ST8SIA1: variants seen among roughly 807,000 people sequenced by gnomAD.
ST8SIA1 encodes alpha-N-acetylneuraminide alpha-2,8-sialyltransferase.
A neutral mutation model predicts 35.9 loss-of-function variants in ST8SIA1; 16 were observed. The ratio of observed to expected loss-of-function variants is 0.45; its 90% CI spans 0.30 to 0.68. ST8SIA1 has a LOEUF of 0.68. Ranked by LOEUF, ST8SIA1 falls within the 30% of genes least tolerant of loss-of-function variation. The probability of loss-of-function intolerance (pLI) is 0.09; values close to 1 mark genes in which losing one functional copy is unlikely to be tolerated. For synonymous variants in ST8SIA1, 170 were observed against 169.6 expected, an observed-to-expected ratio of 1.00 and a Z score of -0.02; for missense variants, 383 against 453.6, an observed-to-expected ratio of 0.84 and a Z score of 1.41.
intron 2 of ST8SIA1, among the ~76,000 whole-genome samples, chr12:22,262,363 C>A (rs1031496692): frequency 5.9e-5 from 9 of 152,098 alleles, no homozygotes; most frequent in Non-Finnish European, 1.0e-4. Context: ...TTTCAAAGCC[C>A]GAAGCCCACC....
intron 1 of ST8SIA1, chr12:22,326,202 T>C (rs1262191502): frequency 3.5e-6 from 1 of 285,784 alleles, no homozygotes. Flanking sequence ...CATCACTGTA[T>C]TGCCAGCACC....
chr12:22,197,936 G>A lies in ST8SIA1; in HGVS notation c.*3616C>T, dbSNP rs1301362264. The A allele has an allele frequency of 6.6e-6, 1 of 152,098 alleles. No homozygotes were observed. Among genetic ancestry groups the A allele is most frequent in the South Asian group, 2.1e-4 (1 of 4,826 alleles). The allele number at this position is 152,098 out of a possible 1,614,324, so 9.4% of individuals were successfully genotyped here. ...TTATGCAGTTTAGATGTGCAATTTT[G>A]TATAAACTTTTGGCAAAATCCTCTA... On this transcript the variant is annotated 3_prime_UTR_variant, in exon 5 of 5. Transcript: ENST00000396037.
intron 2 of ST8SIA1, among the ~76,000 whole-genome samples, chr12:22,257,584 G>C (rs1330103820): frequency 6.6e-6 from 1 of 151,716 alleles, no homozygotes; most frequent in African/African-American, 2.4e-5. Flanking sequence ...GCAAATTCCT[G>C]CAGGAGATGA....
intron 1 of ST8SIA1, among the ~76,000 whole-genome samples, chr12:22,293,160 G>A (rs956611576): frequency 2.0e-5 from 3 of 152,176 alleles, no homozygotes; most frequent in Non-Finnish European, 2.9e-5. Context: ...GCTGAGCAGC[G>A]AATCCCATTT....
rs373747527 is a variant in ST8SIA1 at position 22,249,024 on chromosome 12, G to T, written c.566C>A (p.Pro189His). Residue 189 changes from proline to histidine, a missense_variant, in exon 4 of 5, where the codon CCC (proline) becomes CAC (histidine). Transcript: ENST00000396037. ...CTCTTACCTTTGCCGAATTATGCTGGGATTAGCTGTCACTAACTGACTTTT... is the reference window on the plus strand; with the variant it reads ...CTCTTACCTTTGCCGAATTATGCTGTGATTAGCTGTCACTAACTGACTTTT... ...GSKSQLVTAN[P>H]SIIRQRFQNL... 1 of 1,613,434 alleles carries T rather than the reference G, an allele frequency of 6.2e-7. No individual in the cohort carries two copies. The highest frequency in any genetic ancestry group is 1.1e-5 in the South Asian group (1 of 91,018).
chr12:22,294,320 T>C (rs565920300), intron 1 of ST8SIA1, among the ~76,000 whole-genome samples: 2 of 152,246 alleles, frequency 1.3e-5, no homozygotes, highest in East Asian at 3.9e-4. Context: ...GGCAACTGTA[T>C]TGGTTCCCTG....
At chr12:22,225,206 G>A (rs1244586356) in intron 4 of ST8SIA1, among the ~76,000 whole-genome samples, 1 of 152,174 alleles carries the variant, frequency 6.6e-6, no homozygotes, top group Non-Finnish European at 1.5e-5. Context: ...AATTTCTGTT[G>A]TTTTTGTGGT....
intron 4 of ST8SIA1, among the ~76,000 whole-genome samples, chr12:22,226,584 T>A (rs1308098412): frequency 1.3e-5 from 2 of 152,124 alleles, no homozygotes; most frequent in Non-Finnish European, 2.9e-5. Context: ...TTGTCATCTT[T>A]AGGATGAATC....
At position 22,201,448 on chromosome 12, in the gene ST8SIA1, A is replaced by G; in HGVS notation, c.*104T>C. The G allele has an allele frequency of 7.0e-7, 1 of 1,429,750 alleles. No individual in the cohort carries two copies. The highest frequency in any genetic ancestry group is 9.4e-7 in the Non-Finnish European group (1 of 1,068,902). 88.6% of individuals were successfully genotyped at this position (1,429,750 alleles called of 1,614,324 possible). On this transcript the variant is annotated 3_prime_UTR_variant, in exon 5 of 5. Coordinates refer to ENST00000396037, the MANE Select transcript of ST8SIA1 (RefSeq NM_003034.4). ...TCATTGCTCCTTTCCTGTTTTTCCA[A>G]GGGCCCATGCAAACTCATGAAACAA...
chr12:22,207,238 T>A (rs1038896268), intron 4 of ST8SIA1, among the ~76,000 whole-genome samples: 1 of 152,218 alleles, frequency 6.6e-6, no homozygotes, highest in African/African-American at 2.4e-5. Flanking sequence ...GGACAGGCTA[T>A]CAATTCCTGT....
At chr12:22,213,414 A>G (rs575024762) in intron 4 of ST8SIA1, among the ~76,000 whole-genome samples, 1 of 152,344 alleles carries the variant, frequency 6.6e-6, no homozygotes, top group Admixed American at 6.5e-5. Flanking sequence ...CTTTTAAAAT[A>G]CTTGCAGCAT....
intron 2 of ST8SIA1, among the ~76,000 whole-genome samples, chr12:22,276,711 A>C (rs1210670526): frequency 6.6e-6 from 1 of 152,244 alleles, no homozygotes; most frequent in African/African-American, 2.4e-5. Flanking sequence ...CAGTAGGGAT[A>C]GAAGGTGTGA....
At chr12:22,252,838 AC>A (rs1456827967) in intron 3 of ST8SIA1, among the ~76,000 whole-genome samples, 1 of 152,244 alleles carries the variant, frequency 6.6e-6, no homozygotes, top group African/African-American at 2.4e-5. Flanking sequence ...AATGGATGAC[AC>A]ACACACATAC....
At chr12:22,293,344 G>T (rs542547351) in intron 1 of ST8SIA1, among the ~76,000 whole-genome samples, 2 of 152,188 alleles carry the variant, frequency 1.3e-5, no homozygotes, top group Non-Finnish European at 2.9e-5. Flanking sequence ...GTTTGGTAAG[G>T]TTTCAAATTT....
chr12:22,333,378 A>C (rs1353748541), intron 1 of ST8SIA1, among the ~76,000 whole-genome samples: 2 of 152,246 alleles, frequency 1.3e-5, no homozygotes, highest in Admixed American at 1.3e-4. Flanking sequence ...CTAAAGAATC[A>C]ATTTGTGGTC....
rs117940297 is a variant in ST8SIA1 at position 22,195,790 on chromosome 12, C to G, written c.*5762G>C. ...CTCTCTTTTTTTCAGTTTGGTTAAA[C>G]CTTTTTTTATTACAATTTTCTGTTC... On this transcript the variant is annotated 3_prime_UTR_variant, in exon 5 of 5. Coordinates refer to ENST00000396037, the MANE Select transcript of ST8SIA1 (RefSeq NM_003034.4). 6.6e-6 allele frequency: 1 copy of G among 152,148 alleles called. No individual in the cohort carries two copies. 9.4% of individuals were successfully genotyped at this position (152,148 alleles called of 1,614,324 possible).
At chr12:22,233,352 A>G (rs368275558) in intron 4 of ST8SIA1, among the ~76,000 whole-genome samples, 1 of 152,208 alleles carries the variant, frequency 6.6e-6, no homozygotes, top group East Asian at 1.9e-4. Flanking sequence ...TTAAGAGTAG[A>G]GTACTGTGGT....
chr12:22,206,899 G>A (rs1464224530), intron 4 of ST8SIA1, among the ~76,000 whole-genome samples: 1 of 152,174 alleles, frequency 6.6e-6, no homozygotes, highest in Non-Finnish European at 1.5e-5. Context: ...CATGTTCATG[G>A]CTACCACATC....
chr12:22,320,326 A>G (rs1445314652), intron 1 of ST8SIA1, among the ~76,000 whole-genome samples: 1 of 152,176 alleles, frequency 6.6e-6, no homozygotes, highest in Non-Finnish European at 1.5e-5. Flanking sequence ...TGAGGCCAAA[A>G]TAGGCTAAGT....
Sources: allele counts gnomAD v4.1 joint callset (sites outside exome capture counted in the v4.1 genomes callset), GRCh38; gene constraint gnomAD v4.1.1; transcripts MANE v1.5; gene names NCBI Gene and HGNC (gene_info 2026-07-23, HGNC 2026-07-21).